PCDHGA1: variants seen among roughly 807,000 people sequenced by gnomAD.
The protein encoded by PCDHGA1 is protocadherin gamma-A1.
PCDHGA1 carries 32 observed loss-of-function variants against 58.0 expected under a neutral mutation model. The ratio of observed to expected loss-of-function variants is 0.55; its 90% confidence interval spans 0.42 to 0.74. The LOEUF is 0.74. Among genes scored for constraint, PCDHGA1 ranks in the 30% least tolerant of loss-of-function variants. The pLI is 0.00. For missense variants in PCDHGA1, 1,205 were observed against 1,182.3 expected (o/e 1.02, Z -0.28); for synonymous variants, 498 against 501.1 (o/e 0.99, Z 0.08).
At chr5:141,409,104 T>C in intron 1 of PCDHGA1, 3 of 1,613,960 alleles carry the variant, frequency 1.9e-6, no homozygotes, top group Non-Finnish European at 2.5e-6. Context: ...ACAGGTATGA[T>C]TAAGAATAAC....
intron 1 of PCDHGA1, chr5:141,371,931 G>T: frequency 6.2e-7 from 1 of 1,613,372 alleles, no homozygotes; most frequent in Non-Finnish European, 8.5e-7. Flanking sequence ...GCGGAGCGGG[G>T]TGGTGTTCGC....
chr5:141,347,357 G>A (rs1757957442), intron 1 of PCDHGA1, among the ~76,000 whole-genome samples: 1 of 151,928 alleles, frequency 6.6e-6, no homozygotes. Flanking sequence ...CAATTGCTAT[G>A]TTTCCCAGGC....
chr5:141,479,845 A>T (rs895639749), intron 1 of PCDHGA1, among the ~76,000 whole-genome samples: 4 of 152,210 alleles, frequency 2.6e-5, no homozygotes, highest in Admixed American at 1.3e-4. Flanking sequence ...ATGCAAGGTG[A>T]CTGCAAGGCC....
chr5:141,384,218 T>C (rs1245580303), intron 1 of PCDHGA1: 2 of 1,613,904 alleles, frequency 1.2e-6, no homozygotes, highest in Non-Finnish European at 1.7e-6. Context: ...CACATATTCA[T>C]GCAGGTGGCA....
At chr5:141,426,423 G>T in intron 1 of PCDHGA1, 1 of 290,954 alleles carries the variant, frequency 3.4e-6, no homozygotes, top group Non-Finnish European at 6.8e-6. Context: ...AGGGCTCCGT[G>T]GTGGGGAACC....
chr5:141,360,089 G>A (rs1293373069), intron 1 of PCDHGA1: 2 of 1,505,466 alleles, frequency 1.3e-6, no homozygotes, highest in East Asian at 2.4e-5. Context: ...TGCCATCCCC[G>A]GAAGGCTTAT....
intron 1 of PCDHGA1, among the ~76,000 whole-genome samples, chr5:141,447,983 G>A (rs1311439824): frequency 6.6e-6 from 1 of 151,972 alleles, no homozygotes; most frequent in Non-Finnish European, 1.5e-5. Context: ...CTACTCGGGA[G>A]GCTGAGGCAT....
intron 1 of PCDHGA1, among the ~76,000 whole-genome samples, chr5:141,373,593 T>G (rs1769715791): frequency 6.6e-6 from 1 of 152,258 alleles, no homozygotes; most frequent in African/African-American, 2.4e-5. Flanking sequence ...TGAAATGTGA[T>G]GATAATTCAA....
At chr5:141,371,918 C>G in intron 1 of PCDHGA1, 7 of 1,613,372 alleles carry the variant, frequency 4.3e-6, no homozygotes, top group Non-Finnish European at 5.1e-6. Context: ...TGTCCGTGAG[C>G]GCGCGGAGCG....
intron 1 of PCDHGA1, chr5:141,392,856 CT>C: frequency 1.9e-6 from 3 of 1,612,366 alleles, no homozygotes; most frequent in Non-Finnish European, 2.5e-6. Flanking sequence ...CGAGCTGATC[CT>C]GCTGTGCGCG....
intron 1 of PCDHGA1, chr5:141,415,377 C>T (rs774655293): frequency 1.2e-6 from 2 of 1,614,118 alleles, no homozygotes; most frequent in African/African-American, 2.7e-5. Flanking sequence ...CTTCAGGAGG[C>T]GGCTTGACAG....
chr5:141,357,725 T>C (rs1760714426), intron 1 of PCDHGA1: 3 of 1,394,618 alleles, frequency 2.2e-6, no homozygotes, highest in Middle Eastern at 1.9e-4. Flanking sequence ...GTTGCCTCTT[T>C]TAATATTTTA....
At chr5:141,437,986 C>T (rs2097921856) in intron 1 of PCDHGA1, among the ~76,000 whole-genome samples, 1 of 152,096 alleles carries the variant, frequency 6.6e-6, no homozygotes, top group African/African-American at 2.4e-5. Context: ...TGCACCCACC[C>T]CACCTCAGCC....
chr5:141,365,252 G>A, intron 1 of PCDHGA1: 1 of 1,613,916 alleles, frequency 6.2e-7, no homozygotes, highest in East Asian at 2.2e-5. Context: ...ACAATCACTG[G>A]ACTATGAAGA....
chr5:141,431,725 G>A lies in PCDHGA1; in HGVS notation c.2422-63082G>A. The A allele has an allele frequency of 6.2e-7, 1 of 1,614,230 alleles. No individual in the cohort carries two copies. Among genetic ancestry groups the A allele is most frequent in the Non-Finnish European group, 8.5e-7 (1 of 1,180,044 alleles). On this transcript the variant is annotated intron_variant, in intron 1 of 3. Coordinates refer to ENST00000517417, the MANE Select transcript of PCDHGA1 (RefSeq NM_018912.3). The surrounding 1 kb of genome is among the most constrained non-coding windows in gnomAD (Gnocchi z 4.8). Reference sequence around the variant, plus strand: ...TCTACCAGATGGAAGTGCAAGCAATGGATAATGCAGGATATTCTGCGCGAG... The same window carrying A: ...TCTACCAGATGGAAGTGCAAGCAATAGATAATGCAGGATATTCTGCGCGAG...
At chr5:141,400,217 T>A (rs771117256) in intron 1 of PCDHGA1, 1 of 1,613,916 alleles carries the variant, frequency 6.2e-7, no homozygotes, top group Non-Finnish European at 8.5e-7. Flanking sequence ...TTGATCTCAG[T>A]GCTCTTCCTC....
chr5:141,361,548 C>A lies in PCDHGA1; in HGVS notation c.2421+28443C>A, dbSNP rs374369531. The A allele has an allele frequency of 5.5e-5, 88 of 1,613,976 alleles. 1 individual carries two copies. Among genetic ancestry groups the A allele is most frequent in the South Asian group, 2.1e-4 (19 of 91,092 alleles). ...AGAACAATCCTCCTGGCGCCTCTAT[C>A]GCTCAAATCAGTGCCTCTGACCCTG... On this transcript the variant is annotated intron_variant, in intron 1 of 3. Coordinates refer to ENST00000517417, the MANE Select transcript of PCDHGA1 (RefSeq NM_018912.3).
intron 1 of PCDHGA1, among the ~76,000 whole-genome samples, chr5:141,445,417 A>C (rs1483224509): frequency 6.6e-6 from 1 of 152,208 alleles, no homozygotes; most frequent in Non-Finnish European, 1.5e-5. Context: ...ACTGTCTGCT[A>C]TATGCAAGGC....
intron 1 of PCDHGA1, chr5:141,426,867 G>A (rs1436078091): frequency 4.4e-6 from 2 of 456,708 alleles, no homozygotes; most frequent in Non-Finnish European, 8.8e-6. Flanking sequence ...ATTAGTGCTG[G>A]AGAAGCCCCT....
Sources: allele counts gnomAD v4.1 joint callset (sites outside exome capture counted in the v4.1 genomes callset), GRCh38; gene constraint gnomAD v4.1.1; non-coding constraint Gnocchi (gnomAD v3.1); transcripts MANE v1.5; gene names NCBI Gene and HGNC (gene_info 2026-07-23, HGNC 2026-07-21).